Variants in PCDH7 observed in about 807,000 individuals in gnomAD.
PCDH7 encodes the protein protocadherin 7.
In PCDH7, 17 loss-of-function variants were observed where a neutral mutation model predicts 58.9. The observed-to-expected ratio is 0.29, with a 90% confidence interval of 0.20 to 0.43. The LOEUF (loss-of-function observed/expected upper bound fraction) is 0.43, where lower values mean the gene tolerates loss of function less well. Among genes scored for constraint, PCDH7 ranks in the 20% least tolerant of loss-of-function variants. PCDH7 has a pLI of 1.00. For missense variants in PCDH7, 1,274 were observed against 1,441.0 expected (o/e 0.88, Z 1.88); for synonymous variants, 664 against 616.4 (o/e 1.08, Z -1.14).
chr4:31,100,572 A>T (rs948544520), intron 3 of PCDH7, among the ~76,000 whole-genome samples: 1 of 152,196 alleles, frequency 6.6e-6, no homozygotes, highest in African/African-American at 2.4e-5. Context: ...TAGAGTTCCC[A>T]GTATCTTAGG....
At position 30,728,296 on chromosome 4, in the gene PCDH7, TAGAGAGAG is replaced by T. The variant is rs67735645; in HGVS notation, c.3175-2438_3175-2431del. ...ACATATGTATATATATATATATATA[TAGAGAGAG>T]AGAGAGAGAGAGAGAGAGCATATAT... On this transcript the variant is annotated intron_variant, in intron 1 of 1. Coordinates refer to ENST00000361762, the Ensembl canonical transcript of PCDH7. Among the ~76,000 whole-genome samples, 242 of 105,454 alleles carry T rather than the reference TAGAGAGAG, an allele frequency of 2.3e-3. 2 individuals carry two copies. The highest frequency in any genetic ancestry group is 8.9e-3 in the African/African-American group (234 of 26,198). 69.2% of individuals were successfully genotyped at this position (105,454 alleles called of 152,430 possible).
chr4:30,993,227 G>A (rs982301457), intron 3 of PCDH7, among the ~76,000 whole-genome samples: 1 of 152,124 alleles, frequency 6.6e-6, no homozygotes, highest in African/African-American at 2.4e-5. Context: ...CCTACCTATG[G>A]CTCTTCCAAT....
intron 1 of PCDH7, among the ~76,000 whole-genome samples, chr4:30,896,202 T>C (rs1739374371): frequency 6.6e-6 from 1 of 152,230 alleles, no homozygotes; most frequent in Non-Finnish European, 1.5e-5. Flanking sequence ...TTGGTGTGTC[T>C]AGAGAGCATA....
chr4:31,035,247 C>CTTTTTTTTTTT (rs35099580), intron 3 of PCDH7, among the ~76,000 whole-genome samples: 5 of 99,404 alleles, frequency 5.0e-5, no homozygotes, highest in South Asian at 3.8e-4. Flanking sequence ...CCTTTTTTCC[C>CTTTTTTTTTTT]TTTTTTTTTT....
intron 3 of PCDH7, among the ~76,000 whole-genome samples, chr4:31,101,902 C>T (rs1714942894): frequency 6.6e-6 from 1 of 152,150 alleles, no homozygotes; most frequent in African/African-American, 2.4e-5. Flanking sequence ...TTCCATATTA[C>T]AAATGAAAGG....
At chr4:30,842,934 G>C (rs935471716) in intron 1 of PCDH7, among the ~76,000 whole-genome samples, 4 of 151,936 alleles carry the variant, frequency 2.6e-5, no homozygotes, top group Non-Finnish European at 5.9e-5. Context: ...TTATTCTATT[G>C]TTTTCCATCA....
Position 30,828,446 on chromosome 4 carries a change from C to A in PCDH7, c.71-91707C>A, listed in dbSNP as rs151001812. On this transcript the variant is annotated intron_variant, in intron 1 of 3. Coordinates refer to the PCDH7 transcript ENST00000509759. ...CATATGAAATATACCCAGCTATTCA[C>A]ATTTTTGTGGCTTAAAACAATGTCA... Among the ~76,000 whole-genome samples, 1,030 of 152,096 alleles carry A rather than the reference C, an allele frequency of 6.8e-3. 10 individuals carry two copies. Among genetic ancestry groups the A allele is most frequent in the African/African-American group, 0.024 (986 of 41,528 alleles).
At chr4:31,074,783 T>TAAAAAAAAAAAAAAAAAAAA (rs1758838293) in intron 3 of PCDH7, among the ~76,000 whole-genome samples, 2 of 16,300 alleles carry the variant, frequency 1.2e-4, no homozygotes, top group Admixed American at 9.6e-4. Flanking sequence ...AGATTCCGTC[T>TAAAAAAAAAAAAAAAAAAAA]CAAAAAAAAA....
chr4:31,046,843 C>T (rs1756335233), intron 3 of PCDH7, among the ~76,000 whole-genome samples: 1 of 151,860 alleles, frequency 6.6e-6, no homozygotes, highest in African/African-American at 2.4e-5. Flanking sequence ...AAGGAAAAAT[C>T]AATTAGTTAT....
chr4:31,107,143 G>A (rs1715671708), intron 3 of PCDH7, among the ~76,000 whole-genome samples: 1 of 151,766 alleles, frequency 6.6e-6, no homozygotes, highest in Non-Finnish European at 1.5e-5. Flanking sequence ...AATCTTCATG[G>A]GCACTCAAAG....
At chr4:30,865,661 G>A (rs2871476) in intron 1 of PCDH7, among the ~76,000 whole-genome samples, 118,192 of 152,002 alleles carry the variant, frequency 0.78, 46,779 homozygotes, top group African/African-American at 0.94. Flanking sequence ...GGAAAATTAA[G>A]TACAACGTAT....
intron 3 of PCDH7, among the ~76,000 whole-genome samples, chr4:31,095,233 A>G (rs1713808105): frequency 6.6e-6 from 1 of 152,164 alleles, no homozygotes; most frequent in African/African-American, 2.4e-5. Flanking sequence ...AGATTTTGTA[A>G]CTAGCTTAAA....
chr4:30,867,905 T>A (rs1735077682), intron 1 of PCDH7, among the ~76,000 whole-genome samples: 1 of 152,112 alleles, frequency 6.6e-6, no homozygotes, highest in Non-Finnish European at 1.5e-5. Flanking sequence ...AATTGCACGA[T>A]ATTTTTAATA....
chr4:31,095,799 G>A (rs1163762036), intron 3 of PCDH7, among the ~76,000 whole-genome samples: 1 of 151,916 alleles, frequency 6.6e-6, no homozygotes, highest in Non-Finnish European at 1.5e-5. Context: ...TTAATTTATG[G>A]GCTTTCTCTC....
At chr4:30,761,385 A>T (rs1719998668) in intron 1 of PCDH7, among the ~76,000 whole-genome samples, 1 of 152,052 alleles carries the variant, frequency 6.6e-6, no homozygotes, top group Non-Finnish European at 1.5e-5. Context: ...GTAATTTTTA[A>T]TTTTCTAGTT....
intron 3 of PCDH7, among the ~76,000 whole-genome samples, chr4:31,081,985 C>G (rs1711547633): frequency 6.6e-6 from 1 of 152,044 alleles, no homozygotes; most frequent in African/African-American, 2.4e-5. Context: ...GTTGGCCAGG[C>G]TGGTCTTGAA....
intron 3 of PCDH7, among the ~76,000 whole-genome samples, chr4:31,078,288 T>G (rs1759172561): frequency 1.3e-5 from 2 of 152,060 alleles, no homozygotes; most frequent in African/African-American, 4.8e-5. Context: ...ATTCTCTCTC[T>G]CTCTCTCTTT....
intron 3 of PCDH7, among the ~76,000 whole-genome samples, chr4:31,107,904 C>A (rs1336274508): frequency 2.6e-5 from 4 of 152,032 alleles, no homozygotes; most frequent in African/African-American, 9.7e-5. Flanking sequence ...AATACTTTTG[C>A]AAATATTTTT....
At chr4:31,123,927 C>T (rs372117723) in intron 3 of PCDH7, among the ~76,000 whole-genome samples, 10 of 152,264 alleles carry the variant, frequency 6.6e-5, no homozygotes, top group African/African-American at 2.2e-4. Context: ...TTCTCTCCAA[C>T]CTTAGTCTCC....
Sources: allele counts gnomAD v4.1 joint callset (sites outside exome capture counted in the v4.1 genomes callset), GRCh38; gene constraint gnomAD v4.1.1; transcripts MANE v1.5; gene names NCBI Gene and HGNC (gene_info 2026-07-23, HGNC 2026-07-21).